The following DGKB variants were observed in gnomAD, a reference collection of about 807,000 sequenced individuals.
DGKB encodes 90 kDa diacylglycerol kinase.
A neutral mutation model predicts 114.3 loss-of-function variants in DGKB; 67 were observed. The ratio of observed to expected loss-of-function variants is 0.59; its 90% CI spans 0.48 to 0.72. The LOEUF is 0.72. Ranked by LOEUF, DGKB falls within the 30% of genes least tolerant of loss-of-function variation. The probability of loss-of-function intolerance (pLI) is 0.00; values close to 1 mark genes in which losing one functional copy is unlikely to be tolerated. For synonymous variants in DGKB, 398 were observed against 323.1 expected (o/e 1.23, Z -2.49); for missense variants, 907 against 975.2 (o/e 0.93, Z 0.93).
chr7:14,632,128 A>C (rs1302195312), intron 13 of DGKB, among the ~76,000 whole-genome samples: 1 of 152,062 alleles, frequency 6.6e-6, no homozygotes, highest in Non-Finnish European at 1.5e-5. Flanking sequence ...AGCTTCAGAT[A>C]GATCCTGGTC....
intron 2 of DGKB, among the ~76,000 whole-genome samples, chr7:14,810,461 A>G (rs1299056356): frequency 1.3e-5 from 2 of 152,248 alleles, no homozygotes; most frequent in East Asian, 1.9e-4. Flanking sequence ...AAAGCTTTGT[A>G]GTAGCCATAT....
chr7:14,512,583 T>C (rs976084115), intron 20 of DGKB, among the ~76,000 whole-genome samples: 7 of 152,140 alleles, frequency 4.6e-5, no homozygotes, highest in Admixed American at 6.5e-5. Flanking sequence ...ATCATTCCTA[T>C]AGACGTCTCA....
upstream of DGKB, among the ~76,000 whole-genome samples, chr7:14,908,329 T>C (rs1403090856): frequency 2.6e-5 from 4 of 152,196 alleles, no homozygotes; most frequent in Non-Finnish European, 5.9e-5. Flanking sequence ...CATTTAGGTG[T>C]CTCTACATTA....
intron 23 of DGKB, among the ~76,000 whole-genome samples, chr7:14,315,280 C>T (rs990302982): frequency 7.3e-5 from 11 of 151,208 alleles, no homozygotes; most frequent in African/African-American, 2.4e-4. Flanking sequence ...TCACACATAA[C>T]ACTATTAACT....
intron 4 of DGKB, among the ~76,000 whole-genome samples, chr7:14,752,034 G>A (rs554748924): frequency 6.6e-6 from 1 of 152,172 alleles, no homozygotes; most frequent in South Asian, 2.1e-4. Context: ...TAAGGCTGAT[G>A]CTCTCTTCCT....
At chr7:14,161,250 T>C (rs1267199412) in intron 25 of DGKB, among the ~76,000 whole-genome samples, 5 of 152,192 alleles carry the variant, frequency 3.3e-5, no homozygotes, top group African/African-American at 4.8e-5. Context: ...TGGAAGACAG[T>C]GTGGCGATTT....
In DGKB at chr7:14,380,859, C is replaced by A. The variant is rs575964970; in HGVS notation, c.1836-35468G>T. Among the ~76,000 whole-genome samples the A allele has an allele frequency of 5.9e-5, 9 of 152,262 alleles. 1 individual carries two copies. Among genetic ancestry groups the A allele is most frequent in the Admixed American group, 5.9e-4 (9 of 15,298 alleles). On this transcript the variant is annotated intron_variant, in intron 21 of 25. Coordinates refer to ENST00000402815, the MANE Select transcript of DGKB (RefSeq NM_001350709.2). ...ACATTGCGTTAGGCAGAACAGCTAC[C>A]AACACCCAATCCCTGAAATTTGTGA...
intron 13 of DGKB, among the ~76,000 whole-genome samples, chr7:14,662,720 T>C (rs1419190990): frequency 2.0e-5 from 3 of 151,842 alleles, no homozygotes; most frequent in African/African-American, 7.2e-5. Flanking sequence ...TAATGCCACA[T>C]GGTATATTCA....
intron 20 of DGKB, among the ~76,000 whole-genome samples, chr7:14,491,336 T>C (rs1447727501): frequency 6.6e-6 from 1 of 152,116 alleles, no homozygotes; most frequent in Non-Finnish European, 1.5e-5. Flanking sequence ...TCTGCTGCCA[T>C]GTAAGATGTG....
At chr7:14,823,613 G>C (rs79297350) in intron 2 of DGKB, among the ~76,000 whole-genome samples, 1 of 151,216 alleles carries the variant, frequency 6.6e-6, no homozygotes, top group Non-Finnish European at 1.5e-5. Flanking sequence ...TTTTGACACT[G>C]GGAAAAAGAA....
chr7:14,631,091 T>A (rs879511701), intron 13 of DGKB, among the ~76,000 whole-genome samples: 1 of 151,524 alleles, frequency 6.6e-6, no homozygotes, highest in Non-Finnish European at 1.5e-5. Context: ...CTTAGATATT[T>A]GTGTCCCTGA....
chr7:14,393,803 T>A (rs73265859), intron 21 of DGKB, among the ~76,000 whole-genome samples: 142 of 152,324 alleles, frequency 9.3e-4, no homozygotes, highest in African/African-American at 3.0e-3. Context: ...AACGAGAAAC[T>A]CTGTGTCTAC....
rs375985981 is a variant in DGKB at position 14,895,064 on chromosome 7, G to A, written c.-188+7528C>T. Among the ~76,000 whole-genome samples, 9 of 151,644 alleles carry A rather than the reference G, an allele frequency of 5.9e-5. 1 individual carries two copies. In the South Asian group the frequency reaches 1.2e-3, roughly 21 times the overall value. On this transcript the variant is annotated intron_variant, in intron 1 of 25. Coordinates refer to ENST00000402815, the MANE Select transcript of DGKB (RefSeq NM_001350709.2). ...TTTTTCTATGTGGGACAAGTGTGAGGAAGTTACAGGTTGTTTATGTGCAGC... is the reference window on the plus strand; with the variant it reads ...TTTTTCTATGTGGGACAAGTGTGAGAAAGTTACAGGTTGTTTATGTGCAGC...
In DGKB at chr7:14,387,605, C is replaced by T. The variant is rs117256788; in HGVS notation, c.1836-42214G>A. On this transcript the variant is annotated intron_variant, in intron 21 of 25. Coordinates refer to ENST00000402815, the MANE Select transcript of DGKB (RefSeq NM_001350709.2). ...TTGTTTTGTTTGTTTTCTGTAGAGACGGGGTCTCACTATGTTGCCCATCCT... is the reference window on the plus strand; with the variant it reads ...TTGTTTTGTTTGTTTTCTGTAGAGATGGGGTCTCACTATGTTGCCCATCCT... 3.7e-3 allele frequency among the ~76,000 whole-genome samples: 568 copies of T among 152,018 alleles called. 1 individual carries two copies. Among genetic ancestry groups the T allele is most frequent in the Non-Finnish European group, 5.8e-3 (397 of 67,974 alleles).
intron 21 of DGKB, among the ~76,000 whole-genome samples, chr7:14,444,972 A>C (rs1830539145): frequency 6.6e-6 from 1 of 151,932 alleles, no homozygotes; most frequent in African/African-American, 2.4e-5. Flanking sequence ...ATAACTATTT[A>C]GTTACTAGTT....
At chr7:14,176,683 G>A in intron 25 of DGKB, 156 bp downstream of exon 25, 1 of 1,446,660 alleles carries the variant, frequency 6.9e-7, no homozygotes, top group South Asian at 1.5e-5. Flanking sequence ...CAACCTAAAT[G>A]TAGTGGCTCT....
intron 2 of DGKB, among the ~76,000 whole-genome samples, chr7:14,777,386 A>C (rs981550159): frequency 5.3e-5 from 8 of 152,060 alleles, no homozygotes; most frequent in Non-Finnish European, 1.2e-4. Flanking sequence ...TGGTTTGGCT[A>C]TGTCACCACC....
chr7:14,485,908 T>C (rs188387286), intron 20 of DGKB, among the ~76,000 whole-genome samples: 1 of 142,990 alleles, frequency 7.0e-6, no homozygotes, highest in South Asian at 2.2e-4. Context: ...AAAAAAAAAA[T>C]AGGGACACCT....
chr7:14,271,337 A>T (rs1798244159), intron 23 of DGKB, among the ~76,000 whole-genome samples: 1 of 152,200 alleles, frequency 6.6e-6, no homozygotes, highest in Non-Finnish European at 1.5e-5. Flanking sequence ...CCAAGGCCTC[A>T]GTCTTCCTTA....
Sources: allele counts gnomAD v4.1 joint callset (sites outside exome capture counted in the v4.1 genomes callset), GRCh38; gene constraint gnomAD v4.1.1; transcripts MANE v1.5; gene names NCBI Gene and HGNC (gene_info 2026-07-23, HGNC 2026-07-21).